Variants in SPOCK3 observed in about 807,000 individuals in gnomAD.
SPOCK3 encodes testican-3.
SPOCK3 carries 30 observed loss-of-function variants against 56.6 expected under a neutral mutation model. The observed-to-expected ratio is 0.53, with a 90% CI of 0.40 to 0.72. The LOEUF is 0.72. SPOCK3 is among the 30% of genes least tolerant of loss of function. SPOCK3 has a pLI of 0.00. For synonymous variants in SPOCK3, 196 were observed against 183.3 expected (o/e 1.07, Z -0.56); for missense variants, 527 against 530.0 (o/e 0.99, Z 0.06).
chr4:167,141,323 G>A (rs1288886692), intron 2 of SPOCK3, among the ~76,000 whole-genome samples: 1 of 151,942 alleles, frequency 6.6e-6, no homozygotes, highest in Non-Finnish European at 1.5e-5. Flanking sequence ...TCACCAACAG[G>A]GTTGACTTGA....
chr4:167,172,706 G>C (rs553954844), intron 2 of SPOCK3, among the ~76,000 whole-genome samples: 2 of 152,070 alleles, frequency 1.3e-5, no homozygotes, highest in South Asian at 2.1e-4. Flanking sequence ...TTTTCATAGA[G>C]AATATCTACA....
At chr4:166,862,717 A>C (rs1243649530) in intron 6 of SPOCK3, among the ~76,000 whole-genome samples, 2 of 152,078 alleles carry the variant, frequency 1.3e-5, no homozygotes, top group African/African-American at 2.4e-5. Flanking sequence ...TAAGTCAAGT[A>C]AAAATGAAGA....
intron 8 of SPOCK3, among the ~76,000 whole-genome samples, chr4:166,749,616 C>A (rs1325944459): frequency 6.6e-6 from 1 of 151,350 alleles, no homozygotes; most frequent in Admixed American, 6.6e-5. Flanking sequence ...TGCACATGTA[C>A]CCTAGAACTT....
At chr4:167,110,861 C>T (rs79664935) in intron 2 of SPOCK3, among the ~76,000 whole-genome samples, 1,937 of 151,966 alleles carry the variant, frequency 0.013, 21 homozygotes, top group Non-Finnish European at 0.015. Context: ...TGTGTCAGTG[C>T]TAACAATGCT....
intron 2 of SPOCK3, among the ~76,000 whole-genome samples, chr4:167,208,591 G>T (rs539647203): frequency 1.3e-5 from 2 of 151,882 alleles, no homozygotes; most frequent in Non-Finnish European, 2.9e-5. Context: ...AATTTAACTG[G>T]TCTTTATTTT....
At chr4:166,836,598 T>C (rs773051603) in intron 6 of SPOCK3, among the ~76,000 whole-genome samples, 7 of 152,186 alleles carry the variant, frequency 4.6e-5, no homozygotes, top group African/African-American at 1.4e-4. Flanking sequence ...GGCAGTTCCA[T>C]TTCCTAGGTG....
At chr4:166,747,359 C>T (rs1485558406) in intron 8 of SPOCK3, among the ~76,000 whole-genome samples, 1 of 151,998 alleles carries the variant, frequency 6.6e-6, no homozygotes, top group Non-Finnish European at 1.5e-5. Flanking sequence ...TAATCCATCA[C>T]AAAAAGAGAA....
intron 6 of SPOCK3, among the ~76,000 whole-genome samples, chr4:166,840,253 A>AT (rs1560915114): frequency 1.3e-5 from 2 of 152,152 alleles, no homozygotes; most frequent in Non-Finnish European, 2.9e-5. Flanking sequence ...CCTACACAGC[A>AT]TTTTTTCATA....
intron 6 of SPOCK3, among the ~76,000 whole-genome samples, chr4:166,808,966 CA>C (rs1743479873): frequency 6.6e-6 from 1 of 151,938 alleles, no homozygotes; most frequent in African/African-American, 2.4e-5. Context: ...ATCTTTTAAA[CA>C]AAGATCTTTT....
At chr4:167,135,088 AAT>A (rs1234276176) in intron 2 of SPOCK3, among the ~76,000 whole-genome samples, 1 of 149,780 alleles carries the variant, frequency 6.7e-6, no homozygotes, top group Non-Finnish European at 1.5e-5. Flanking sequence ...ATATATATAA[AAT>A]ATGTGTTTAA....
At position 167,175,317 on chromosome 4, in the gene SPOCK3, T is replaced by A. The variant is rs1374091145; in HGVS notation, c.189+58668A>T. ...CAATACAGCACATTCCCAATTATGG[T>A]GTCCTTTAAAAGAATCACCTTTGTC... On this transcript the variant is annotated intron_variant, in intron 2 of 10. Coordinates refer to ENST00000357545, the MANE Select transcript of SPOCK3 (RefSeq NM_001040159.2). Among the ~76,000 whole-genome samples the A allele has an allele frequency of 4.6e-5, 7 of 152,176 alleles. No individual in the cohort carries two copies. The East Asian group carries it at 1.3e-3, about 29-fold the overall frequency.
chr4:167,023,766 C>T (rs184764406), intron 3 of SPOCK3, among the ~76,000 whole-genome samples: 2 of 151,950 alleles, frequency 1.3e-5, no homozygotes, highest in Non-Finnish European at 2.9e-5. Flanking sequence ...ATGTTTCCCA[C>T]GTGGAGAAAT....
At chr4:166,876,657 A>G (rs1445476113) in intron 6 of SPOCK3, among the ~76,000 whole-genome samples, 1 of 152,314 alleles carries the variant, frequency 6.6e-6, no homozygotes, top group Admixed American at 6.5e-5. Context: ...ACTATATTAT[A>G]GCAAAAATTA....
intron 4 of SPOCK3, among the ~76,000 whole-genome samples, chr4:166,953,341 C>T (rs1742940848): frequency 6.6e-6 from 1 of 152,084 alleles, no homozygotes; most frequent in Admixed American, 6.6e-5. Flanking sequence ...AAAATGCTCA[C>T]CATCACTGGC....
intron 2 of SPOCK3, among the ~76,000 whole-genome samples, chr4:167,063,565 G>A (rs1283898747): frequency 2.0e-5 from 3 of 151,778 alleles, no homozygotes; most frequent in Non-Finnish European, 2.9e-5. Context: ...GTATAAATGC[G>A]GTTTTGCTAC....
intron 6 of SPOCK3, among the ~76,000 whole-genome samples, chr4:166,841,611 T>G (rs1006756406): frequency 1.3e-5 from 2 of 152,172 alleles, no homozygotes; most frequent in Non-Finnish European, 2.9e-5. Flanking sequence ...TTCCTTAATT[T>G]GCTTTCATTT....
At position 166,817,972 on chromosome 4, in the gene SPOCK3, G is replaced by A. The variant is rs114144435; in HGVS notation, c.590-25683C>T. On this transcript the variant is annotated intron_variant, in intron 6 of 10. Coordinates refer to ENST00000357545, the MANE Select transcript of SPOCK3 (RefSeq NM_001040159.2). ...ACTTTTAAAAATAATATCAGTAACC[G>A]TATGACTTAGGTTACTATTATAATG... 9.2e-3 allele frequency among the ~76,000 whole-genome samples: 1,396 copies of A among 151,964 alleles called. 10 individuals are homozygous for A. Among genetic ancestry groups the A allele is most frequent in the Middle Eastern group, 0.017 (5 of 294 alleles).
At chr4:166,966,672 G>A (rs762346216) in intron 4 of SPOCK3, among the ~76,000 whole-genome samples, 6 of 152,110 alleles carry the variant, frequency 3.9e-5, no homozygotes, top group Non-Finnish European at 8.8e-5. Flanking sequence ...TTGTGCTAAA[G>A]TATTAGAAAG....
At chr4:167,183,286 A>C (rs1412010624) in intron 2 of SPOCK3, among the ~76,000 whole-genome samples, 1 of 152,214 alleles carries the variant, frequency 6.6e-6, no homozygotes, top group African/African-American at 2.4e-5. Flanking sequence ...CTGAGTTTTT[A>C]GGTAGCTTAT....
Sources: gnomAD v4.1 joint callset for allele counts (sites outside exome capture counted in the v4.1 genomes callset) on GRCh38, gnomAD v4.1.1 for gene constraint, MANE v1.5 for transcripts, NCBI Gene and HGNC (gene_info 2026-07-23, HGNC 2026-07-21) for gene names.